TARS3: variants seen among roughly 807,000 people sequenced by gnomAD.
The protein encoded by TARS3 is threonine--tRNA ligase 2, cytoplasmic.
TARS3 carries 94 observed loss-of-function variants against 103.5 expected under a neutral mutation model. That is an observed-to-expected ratio of 0.91 (90% CI 0.77 to 1.08). TARS3 has a LOEUF of 1.08. Among genes scored for constraint, TARS3 ranks in the 50% least tolerant of loss-of-function variants. TARS3 has a pLI of 0.00. For synonymous variants in TARS3, 416 were observed against 355.4 expected, an observed-to-expected ratio of 1.17 and a Z score of -1.92; for missense variants, 952 against 995.2, an observed-to-expected ratio of 0.96 and a Z score of 0.58.
At chr15:101,703,165 T>C (rs181144356) in intron 8 of TARS3, among the ~76,000 whole-genome samples, 1 of 152,338 alleles carries the variant, frequency 6.6e-6, no homozygotes, top group East Asian at 1.9e-4. Flanking sequence ...GTTTTCTCCA[T>C]TACAACATCA....
chr15:101,713,549 C>T (rs1469272943), intron 4 of TARS3, among the ~76,000 whole-genome samples: 1 of 11,496 alleles, frequency 8.7e-5, no homozygotes, highest in Non-Finnish European at 4.4e-4. Context: ...TGGACAGATT[C>T]TAGATATTTT....
At chr15:101,670,772 G>A (rs938729752) in intron 15 of TARS3, among the ~76,000 whole-genome samples, 1 of 152,112 alleles carries the variant, frequency 6.6e-6, no homozygotes, top group Non-Finnish European at 1.5e-5. Context: ...CCTTCAATGA[G>A]AGATTGGATC....
At chr15:101,667,695 C>G (rs762744589) in intron 15 of TARS3, among the ~76,000 whole-genome samples, 30 of 152,118 alleles carry the variant, frequency 2.0e-4, no homozygotes, top group Non-Finnish European at 3.1e-4. Flanking sequence ...CTCAGCCTCC[C>G]AAGTAGCTGG....
intron 15 of TARS3, among the ~76,000 whole-genome samples, chr15:101,663,981 C>T (rs150465050): frequency 6.6e-6 from 1 of 152,316 alleles, no homozygotes; most frequent in Non-Finnish European, 1.5e-5. Flanking sequence ...CAACAGCACA[C>T]TCTCATCCAC....
intron 15 of TARS3, among the ~76,000 whole-genome samples, chr15:101,665,613 C>T (rs1429883421): frequency 6.6e-6 from 1 of 152,068 alleles, no homozygotes; most frequent in African/African-American, 2.4e-5. Flanking sequence ...GTGTAGATGA[C>T]AGGAAAGCTC....
At chr15:101,679,906 C>G (rs1223547692) in intron 12 of TARS3, among the ~76,000 whole-genome samples, 1 of 152,156 alleles carries the variant, frequency 6.6e-6, no homozygotes, top group African/African-American at 2.4e-5. Context: ...TGTTCTAGCC[C>G]CCCTCCATGG....
At chr15:101,723,597 A>G (rs1402801147) in intron 1 of TARS3, among the ~76,000 whole-genome samples, 1 of 152,246 alleles carries the variant, frequency 6.6e-6, no homozygotes, top group African/African-American at 2.4e-5. Context: ...AAATCATAAA[A>G]TACTGTATTA....
chr15:101,663,803 A>G (rs1897473450), intron 15 of TARS3, among the ~76,000 whole-genome samples: 1 of 152,218 alleles, frequency 6.6e-6, no homozygotes, highest in Non-Finnish European at 1.5e-5. Flanking sequence ...AATTTTGAGT[A>G]ACAATACAAA....
At position 101,656,978 on chromosome 15, in the gene TARS3, C is replaced by G. The variant is rs1897216820; in HGVS notation, c.2204G>C (p.Cys735Ser). 1 of 1,613,812 alleles carries G rather than the reference C, an allele frequency of 6.2e-7. No homozygotes were observed. The highest frequency in any genetic ancestry group is 2.2e-5 in the East Asian group (1 of 44,872). The change falls in exon 18 of 19, where the codon TGT (cysteine) becomes TCT (serine). Residue 735 changes from cysteine to serine, a missense_variant. Physicochemically the swap from Cys to Ser is moderately radical, Grantham distance 112. This residue lies in a region of TARS3 where 540 missense variants were observed against 631.0 expected (regional missense o/e 0.86). Coordinates refer to ENST00000335968, the MANE Select transcript of TARS3 (RefSeq NM_152334.3). ...ATTTCGTATTTTCTTATTTAGTGTA[C>G]AACTGTGATCCAAGTCAACGTCAGC... The part of the protein sequence containing the change: ...FMADVDLDHS[C>S]TLNKKIRNAQ...
intron 15 of TARS3, chr15:101,664,435 G>A (rs2141384004): frequency 6.6e-6 from 1 of 152,300 alleles, no homozygotes; most frequent in African/African-American, 2.4e-5. Context: ...GTACCAATCA[G>A]GCAAAAAGTT....
intron 12 of TARS3, 94 bp from the exon 13 acceptor site, chr15:101,675,831 T>C: frequency 7.4e-7 from 1 of 1,352,278 alleles, no homozygotes; most frequent in Non-Finnish European, 1.0e-6. Flanking sequence ...AAATAAAGCA[T>C]GTTTTTAATG....
Position 101,656,902 on chromosome 15 carries a change from T to A in TARS3, c.2260+20A>T. ...TGGGAAAAAAAAGCATTTGGAAAAA[T>A]ATATACAAACTTAAATTACCCAAAA... On this transcript the variant is annotated intron_variant, in intron 18 of 18. Coordinates refer to ENST00000335968, the MANE Select transcript of TARS3 (RefSeq NM_152334.3). The A allele has an allele frequency of 6.6e-7, 1 of 1,512,570 alleles. No homozygotes were observed. Among genetic ancestry groups the A allele is most frequent in the Non-Finnish European group, 9.1e-7 (1 of 1,101,550 alleles). 93.7% of individuals were successfully genotyped at this position (1,512,570 alleles called of 1,614,324 possible). A position where few individuals can be genotyped will look rare whatever the true frequency, so the allele number is the denominator to read the frequency against.
chr15:101,657,940 TTTAAAGACTTCACA>T, intron 16 of TARS3, 83 bp from the exon 17 acceptor site: 1 of 902,780 alleles, frequency 1.1e-6, no homozygotes, highest in Non-Finnish European at 1.6e-6. Flanking sequence ...CAAAGATTCT[TTTAAAGACTTCACA>T]AGAGGGCAGT....
chr15:101,711,759 G>A, intron 5 of TARS3, 121 bp downstream of exon 5: 1 of 1,180,456 alleles, frequency 8.5e-7, no homozygotes, highest in Non-Finnish European at 1.2e-6. Flanking sequence ...ATGGGCGTCG[G>A]TGCCCCTAAC....
At chr15:101,683,347 A>C (rs1898331910) in intron 12 of TARS3, among the ~76,000 whole-genome samples, 1 of 152,124 alleles carries the variant, frequency 6.6e-6, no homozygotes, top group Non-Finnish European at 1.5e-5. Context: ...TGTGTTATCT[A>C]TTTTTAATTC....
chr15:101,680,874 C>A lies in TARS3; in HGVS notation c.1650+3201G>T, dbSNP rs543073888. On this transcript the variant is annotated intron_variant, in intron 12 of 18. Transcript: ENST00000335968. ...TGGTGTCATATCTGAGAAATCATCA[C>A]CTATCACCTAATTACAAAGATTTTC... Among the ~76,000 whole-genome samples the A allele has an allele frequency of 2.0e-5, 3 of 152,220 alleles. No individual in the cohort carries two copies. The East Asian group carries it at 5.8e-4, about 29-fold the overall frequency.
At chr15:101,681,489 T>C (rs1438358276) in intron 12 of TARS3, among the ~76,000 whole-genome samples, 2 of 152,256 alleles carry the variant, frequency 1.3e-5, no homozygotes. Flanking sequence ...AGGTTGTGTA[T>C]GTATGTATTA....
chr15:101,655,825 C>T (rs925592323), intron 18 of TARS3: 142 of 1,239,074 alleles, frequency 1.1e-4, no homozygotes, highest in Non-Finnish European at 1.2e-4. Flanking sequence ...CAGATGAGAG[C>T]GGGGAGCTCT....
intron 11 of TARS3, among the ~76,000 whole-genome samples, chr15:101,685,670 C>T (rs987664435): frequency 2.0e-4 from 30 of 152,158 alleles, no homozygotes; most frequent in Admixed American, 3.3e-4. Context: ...CTTTAATCAG[C>T]ACAAAAAAAT....
Sources: gnomAD v4.1 joint callset for allele counts (sites outside exome capture counted in the v4.1 genomes callset) on GRCh38, gnomAD v4.1.1 for gene constraint, gnomAD v4.1.1 regional missense constraint, MANE v1.5 for transcripts, NCBI Gene and HGNC (gene_info 2026-07-23, HGNC 2026-07-21) for gene names.